The following PABPN1L variants were observed in gnomAD, a reference collection of about 807,000 sequenced individuals.
The protein encoded by PABPN1L is embryonic polyadenylate-binding protein 2.
A neutral mutation model predicts 34.0 loss-of-function variants in PABPN1L; 45 were observed. The observed-to-expected ratio is 1.32, with a 90% CI of 1.04 to 1.70. The LOEUF is 1.70. PABPN1L is among the 40% of genes most tolerant of loss of function. The pLI is 0.00. For synonymous variants in PABPN1L, 182 were observed against 152.1 expected (o/e 1.20, Z -1.45); for missense variants, 459 against 367.8 (o/e 1.25, Z -2.03).
chr16:88,863,722 G>A (rs1305964749), exon 7 of PABPN1L: 1 of 1,535,348 alleles, frequency 6.5e-7, no homozygotes. Context: ...CCTGATCCAG[G>A]CCCCAGCCCC....
At chr16:88,866,955 C>T (rs760091697), upstream of PABPN1L, among the ~76,000 whole-genome samples, 3 of 152,366 alleles carry the variant, frequency 2.0e-5, no homozygotes, top group African/African-American at 4.8e-5. Flanking sequence ...ACGGCACGAA[C>T]GCCACACTGC....
At chr16:88,864,480 G>A (rs1036239849) in intron 5 of PABPN1L, 101 bp from the exon 6 acceptor site, 3 of 1,436,100 alleles carry the variant, frequency 2.1e-6, no homozygotes, top group Non-Finnish European at 1.8e-6. Context: ...GTCCTGCCCG[G>A]CTCAGGATAC....
chr16:88,863,683 G>A (rs1430296527), exon 7 of PABPN1L: 1 of 1,502,372 alleles, frequency 6.7e-7, no homozygotes, highest in African/African-American at 1.4e-5. Context: ...CCCTGCCCCA[G>A]CCCCAGGATG....
exon 7 of PABPN1L, chr16:88,863,730 C>T: frequency 6.5e-7 from 1 of 1,535,798 alleles, no homozygotes; most frequent in Non-Finnish European, 8.7e-7. Flanking sequence ...AGGCCCCAGC[C>T]CCTCTCTCAA....
chr16:88,864,804 G>A (rs1243043615), intron 5 of PABPN1L, 49 bp downstream of exon 5: 2 of 1,522,728 alleles, frequency 1.3e-6, no homozygotes, highest in Non-Finnish European at 8.9e-7. Context: ...GGGCCAGTGG[G>A]CCAGCCCCTC....
intron 1 of PABPN1L, 96 bp downstream of exon 1, chr16:88,866,256 G>C: frequency 6.8e-7 from 1 of 1,466,940 alleles, no homozygotes; most frequent in Non-Finnish European, 9.0e-7. Context: ...CCCCTCCTAA[G>C]TCAGCTGCAG....
At position 88,866,615 on chromosome 16, in the gene PABPN1L, G is replaced by A. The variant is rs780164923; in HGVS notation, c.-9C>T. On this transcript the variant is annotated 5_prime_UTR_variant, in exon 1 of 7. Transcript: ENST00000419291. Reference sequence around the variant, plus strand: ...CTCGGGAAGGGCCACATGGTAGAGGGGCAGGAGGAAGGTGGGCCAGGCGAG... The same window carrying A: ...CTCGGGAAGGGCCACATGGTAGAGGAGCAGGAGGAAGGTGGGCCAGGCGAG... 312 of 1,530,354 alleles carry A rather than the reference G, an allele frequency of 2.0e-4. 4 individuals carry two copies. The South Asian group carries it at 3.4e-3, about 17-fold the overall frequency. The allele number at this position is 1,530,354 out of a possible 1,614,324, so 94.8% of individuals were successfully genotyped here.
upstream of PABPN1L, among the ~76,000 whole-genome samples, chr16:88,868,816 G>A (rs182724565): frequency 6.6e-6 from 1 of 152,270 alleles, no homozygotes; most frequent in Admixed American, 6.5e-5. Flanking sequence ...GTAGCCCCAC[G>A]CTCAGCGACT....
chr16:88,863,888 G>A (rs1294129142), intron 6 of PABPN1L, 93 bp from the exon 7 acceptor site: 2 of 1,281,488 alleles, frequency 1.6e-6, no homozygotes, highest in African/African-American at 1.5e-5. Context: ...AGGATGCAGG[G>A]AGGTCACCTG....
upstream of PABPN1L, among the ~76,000 whole-genome samples, chr16:88,867,819 G>A (rs371048202): frequency 3.0e-4 from 45 of 152,268 alleles, no homozygotes; most frequent in South Asian, 1.2e-3. Flanking sequence ...CAGTGCTGCC[G>A]TCTCCCACCC....
At chr16:88,867,701 C>G (rs1327706781), upstream of PABPN1L, among the ~76,000 whole-genome samples, 1 of 152,114 alleles carries the variant, frequency 6.6e-6, no homozygotes, top group Non-Finnish European at 1.5e-5. Context: ...GTGTCTGCAC[C>G]TGGCTTCACC....
chr16:88,869,509 A>G (rs548604891), upstream of PABPN1L, among the ~76,000 whole-genome samples: 3 of 152,192 alleles, frequency 2.0e-5, no homozygotes, highest in South Asian at 2.1e-4. Context: ...CCCCTTAGAA[A>G]CCAAAGCTCC....
At chr16:88,864,203 C>G (rs1282314144) in intron 6 of PABPN1L, 34 bp downstream of exon 6, 2 of 1,537,438 alleles carry the variant, frequency 1.3e-6, no homozygotes, top group Non-Finnish European at 1.8e-6. Flanking sequence ...CCATGGCCCT[C>G]GCCCCCAGGC....
exon 2 of PABPN1L, chr16:88,865,905 C>G: frequency 3.1e-6 from 5 of 1,609,260 alleles, no homozygotes; most frequent in Non-Finnish European, 4.2e-6. Flanking sequence ...TCGGCCTGCT[C>G]CATGGCACAC....
At chr16:88,866,475 A>C (rs1597641834) in exon 1 of PABPN1L, 1 of 1,549,518 alleles carries the variant, frequency 6.5e-7, no homozygotes. Flanking sequence ...TCCCTTCCCC[A>C]CCCTCTGGCC....
chr16:88,865,104 C>A lies in PABPN1L; in HGVS notation c.484G>T (p.Glu162Ter). Residue 162 changes from glutamate (E) to a stop codon, truncating the protein, a stop_gained, in exon 4 of 7, where the codon GAG becomes TAG. Coordinates refer to ENST00000419291, the Ensembl canonical transcript of PABPN1L. LOFTEE classifies it high-confidence loss of function. ...CAGCGGCTGAAGTGGGCCTCCAGCT[C>A]CTCGGCGGAGCCCCCGTAGTCCACC... The A allele has an allele frequency of 6.3e-7, 1 of 1,583,436 alleles. No homozygotes were observed. The highest frequency in any genetic ancestry group is 8.6e-7 in the Non-Finnish European group (1 of 1,165,684).
At chr16:88,863,610 G>T (rs1028028541) in exon 7 of PABPN1L, 1 of 1,057,472 alleles carries the variant, frequency 9.5e-7, no homozygotes, top group Admixed American at 2.0e-5. Flanking sequence ...CCATCCCCCC[G>T]CCAAGAGGGG....
chr16:88,869,427 C>T (rs1337336074), upstream of PABPN1L, among the ~76,000 whole-genome samples: 1 of 152,276 alleles, frequency 6.6e-6, no homozygotes, highest in Non-Finnish European at 1.5e-5. Context: ...CGGGCTGCTC[C>T]TCCTCCCTCG....
upstream of PABPN1L, among the ~76,000 whole-genome samples, chr16:88,867,777 C>A (rs1032187909): frequency 6.6e-6 from 1 of 152,240 alleles, no homozygotes; most frequent in Non-Finnish European, 1.5e-5. Context: ...CCTGCCACCG[C>A]GGCTGCTGGA....
Sources: allele counts gnomAD v4.1 joint callset (sites outside exome capture counted in the v4.1 genomes callset), GRCh38; gene constraint gnomAD v4.1.1; transcripts MANE v1.5; gene names NCBI Gene and HGNC (gene_info 2026-07-23, HGNC 2026-07-21).